The following SCML2 variants were observed in gnomAD, a reference collection of about 807,000 sequenced individuals.
SCML2 encodes Scm polycomb group protein like 2.
A neutral mutation model predicts 48.4 loss-of-function variants in SCML2; 6 were observed. The observed-to-expected ratio is 0.12, with a 90% CI of 0.07 to 0.24. The LOEUF is 0.24. Among genes scored for constraint, SCML2 ranks in the 10% least tolerant of loss-of-function variants. The probability of loss-of-function intolerance (pLI) is 1.00; values close to 1 mark genes in which losing one functional copy is unlikely to be tolerated. For missense variants in SCML2, 377 were observed against 528.2 expected, an observed-to-expected ratio of 0.71 and a Z score of 2.81; for synonymous variants, 181 against 189.5, an observed-to-expected ratio of 0.95 and a Z score of 0.37.
chrX:18,285,923 C>A (rs772883133), intron 7 of SCML2, among the ~76,000 whole-genome samples: 2 of 111,242 alleles, frequency 1.8e-5, no homozygotes, highest in Admixed American at 1.9e-4. Context: ...ATAAGAATAC[C>A]TAATTAGATG....
chrX:18,320,950 T>A (rs2147539215), intron 5 of SCML2, among the ~76,000 whole-genome samples: 1 of 111,187 alleles, frequency 9.0e-6, no homozygotes, highest in East Asian at 2.8e-4. Flanking sequence ...TGCTAAAATA[T>A]TTAGGGGACG....
At chrX:18,251,004 C>T (rs990775392) in intron 11 of SCML2, among the ~76,000 whole-genome samples, 4 of 110,191 alleles carry the variant, frequency 3.6e-5, no homozygotes, top group African/African-American at 9.9e-5. Context: ...CACTCACTAT[C>T]ACAAGAACAG....
At chrX:18,246,089 T>C (rs1337830014) in intron 13 of SCML2, among the ~76,000 whole-genome samples, 1 of 111,925 alleles carries the variant, frequency 8.9e-6, no homozygotes, top group Non-Finnish European at 1.9e-5. Context: ...TACTTATACA[T>C]GTCATGACTT....
intron 9 of SCML2, 69 bp downstream of exon 9, chrX:18,260,102 C>T (rs1927006771): frequency 3.9e-6 from 3 of 764,683 alleles, no homozygotes; most frequent in East Asian, 3.8e-5. Flanking sequence ...TCCAGGACTT[C>T]GAAGACACTG....
chrX:18,343,063 C>T (rs1366435856), intron 1 of SCML2, among the ~76,000 whole-genome samples: 1 of 110,789 alleles, frequency 9.0e-6, no homozygotes, highest in Admixed American at 9.6e-5. Flanking sequence ...GATTATAGGG[C>T]CTTTCCATTA....
chrX:18,269,946 A>G (rs2147486311), intron 7 of SCML2, among the ~76,000 whole-genome samples: 1 of 110,263 alleles, frequency 9.1e-6, no homozygotes, highest in East Asian at 2.8e-4. Context: ...AAGTATATAT[A>G]TTTGTTCTAT....
Position 18,276,701 on chromosome X carries a change from G to A in SCML2, c.731-10899C>T, listed in dbSNP as rs1927653807. 2.7e-5 allele frequency among the ~76,000 whole-genome samples: 3 copies of A among 112,052 alleles called. No individual in the cohort carries two copies. In the South Asian group the frequency reaches 1.1e-3, roughly 42 times the overall value. On this transcript the variant is annotated intron_variant, in intron 7 of 14. Coordinates refer to ENST00000251900, the MANE Select transcript of SCML2 (RefSeq NM_006089.3). Reference sequence around the variant, plus strand: ...GCTACAACATGTATAAACCTTGAAGGCATTATGCTAAGTGAAAGACACAAA... The same window carrying A: ...GCTACAACATGTATAAACCTTGAAGACATTATGCTAAGTGAAAGACACAAA...
intron 3 of SCML2, among the ~76,000 whole-genome samples, chrX:18,327,689 T>C (rs1052534538): frequency 8.9e-6 from 1 of 112,202 alleles, no homozygotes; most frequent in Admixed American, 9.5e-5. Context: ...AAATTACTGG[T>C]TAATGACCAT....
chrX:18,297,332 C>T (rs1397292622), intron 7 of SCML2, among the ~76,000 whole-genome samples: 1 of 112,042 alleles, frequency 8.9e-6, no homozygotes, highest in African/African-American at 3.2e-5. Context: ...CAAGAATGCC[C>T]ACTTTCAGCA....
At chrX:18,261,142 GTTCT>G (rs1927048460) in intron 8 of SCML2, among the ~76,000 whole-genome samples, 1 of 107,311 alleles carries the variant, frequency 9.3e-6, no homozygotes, top group Non-Finnish European at 1.9e-5. Flanking sequence ...TTGATACAGT[GTTCT>G]TTATCAATGT....
At chrX:18,298,435 A>G (rs1324275633) in intron 7 of SCML2, among the ~76,000 whole-genome samples, 1 of 112,347 alleles carries the variant, frequency 8.9e-6, no homozygotes, top group Non-Finnish European at 1.9e-5. Context: ...TATAAAACAG[A>G]AAACCCAGAA....
Position 18,258,196 on chromosome X carries a change from T to C in SCML2, c.1121A>G (p.Lys374Arg), listed in dbSNP as rs560826066. 2 of 1,209,757 alleles carry C rather than the reference T, an allele frequency of 1.7e-6. No homozygotes were observed. The highest frequency in any genetic ancestry group is 4.6e-4 in the Middle Eastern group (2 of 4,351). Residue 374 changes from lysine to arginine, a missense_variant, in exon 10 of 15, where the codon AAG becomes AGG. By Grantham distance (26) the Lys-to-Arg change is conservative. Around this residue, in one of 3 missense-constraint regions of SCML2, gnomAD observed 299 missense variants for 425.5 expected, o/e 0.70. Coordinates refer to ENST00000251900, the MANE Select transcript of SCML2 (RefSeq NM_006089.3). ...HGNFGPHLDP[K>R]RIQQLPDHFG... ...GTGGTCAGGCAGCTGCTGGATTCTC[T>C]TGGGATCCAGATGAGGGCCAAAGTT...
At chrX:18,254,907 G>A (rs1334768903) in intron 11 of SCML2, among the ~76,000 whole-genome samples, 1 of 111,317 alleles carries the variant, frequency 9.0e-6, no homozygotes, top group Non-Finnish European at 1.9e-5. Context: ...CTGGGTGACA[G>A]ACTGAGACTC....
At chrX:18,311,007 T>A (rs754040721) in intron 6 of SCML2, among the ~76,000 whole-genome samples, 2 of 111,770 alleles carry the variant, frequency 1.8e-5, no homozygotes, top group South Asian at 7.6e-4. Context: ...GTATAAAACA[T>A]AAGATACACT....
chrX:18,353,670 T>C (rs956104695), intron 1 of SCML2, among the ~76,000 whole-genome samples: 2 of 112,517 alleles, frequency 1.8e-5, no homozygotes, highest in African/African-American at 6.5e-5. Flanking sequence ...AAATAAATAG[T>C]CTCAAATGGG....
chrX:18,303,445 G>T (rs1928658377), intron 7 of SCML2, among the ~76,000 whole-genome samples: 2 of 111,274 alleles, frequency 1.8e-5, no homozygotes, highest in African/African-American at 6.5e-5. Flanking sequence ...ATTCTGCCTG[G>T]CAAACTCCTG....
chrX:18,343,821 A>G lies in SCML2; in HGVS notation c.-24-9726T>C, dbSNP rs191520479. ...AAAAAACCTGGGCCGGATTACAATCACACCTGTAATCCCAGCACTATGGGA... is the reference window on the plus strand; with the variant it reads ...AAAAAACCTGGGCCGGATTACAATCGCACCTGTAATCCCAGCACTATGGGA... On this transcript the variant is annotated intron_variant, in intron 1 of 14. Transcript: ENST00000251900. 4.8e-3 allele frequency among the ~76,000 whole-genome samples: 491 copies of G among 103,059 alleles called. 2 individuals carry two copies. Among genetic ancestry groups the G allele is most frequent in the Non-Finnish European group, 7.3e-3 (367 of 50,564 alleles). 89.5% of individuals were successfully genotyped at this position (103,059 alleles called of 115,157 possible).
chrX:18,269,274 T>C (rs1242906314), intron 7 of SCML2, among the ~76,000 whole-genome samples: 3 of 111,617 alleles, frequency 2.7e-5, no homozygotes, highest in Non-Finnish European at 5.6e-5. Context: ...GTGGAGGAAA[T>C]TGAATCATGG....
chrX:18,317,160 T>C (rs1175043721), intron 6 of SCML2, among the ~76,000 whole-genome samples: 1 of 112,193 alleles, frequency 8.9e-6, no homozygotes. Context: ...GCTCAAATGA[T>C]CCTCCTGCCT....
Sources: allele counts gnomAD v4.1 joint callset (sites outside exome capture counted in the v4.1 genomes callset), GRCh38; gene constraint gnomAD v4.1.1; regional missense constraint gnomAD v4.1.1; transcripts MANE v1.5; gene names NCBI Gene and HGNC (gene_info 2026-07-23, HGNC 2026-07-21).